TAOK3: variants seen among roughly 807,000 people sequenced by gnomAD.
TAOK3 encodes the protein serine/threonine-protein kinase TAO3.
TAOK3 carries 40 observed loss-of-function variants against 120.4 expected under a neutral mutation model. That is an observed-to-expected ratio of 0.33 (90% confidence interval 0.26 to 0.43). The LOEUF is 0.43. Ranked by LOEUF, TAOK3 falls within the 20% of genes least tolerant of loss-of-function variation. The pLI, the probability that TAOK3 is intolerant of heterozygous loss-of-function variation, is 1.00. For missense variants in TAOK3, 821 were observed against 1,112.1 expected (o/e 0.74, Z 3.72); for synonymous variants, 355 against 387.5 (o/e 0.92, Z 0.99).
intron 1 of TAOK3, among the ~76,000 whole-genome samples, chr12:118,318,243 C>A (rs180935591): frequency 6.6e-6 from 1 of 151,628 alleles, no homozygotes; most frequent in East Asian, 1.9e-4. Context: ...CTGCAACCTC[C>A]GCCTCCTGGG....
In TAOK3 at chr12:118,162,021, T is replaced by G; in HGVS notation, c.1906A>C (p.Asn636His). 1 of 1,613,216 alleles carries G rather than the reference T, an allele frequency of 6.2e-7. No homozygotes were observed. The highest frequency in any genetic ancestry group is 8.5e-7 in the Non-Finnish European group (1 of 1,179,304). ...ATCTCCTTCTGGGTCCTCTTTTTAT[T>G]TAGTTCCTGCGTCCAGGAACAAAAG... ...VEQQNIREEL[N>H]KKRTQKEMEH... The change falls in exon 18 of 21, where the codon AAT becomes CAT. Residue 636 changes from asparagine to histidine, a missense_variant. By Grantham distance (68) the Asn-to-His change is moderately conservative. This residue lies in a region of TAOK3 where 354 missense variants were observed against 572.1 expected (regional missense o/e 0.62). Transcript: ENST00000392533.
chr12:118,237,286 C>T (rs1180765334), intron 7 of TAOK3, among the ~76,000 whole-genome samples: 1 of 152,112 alleles, frequency 6.6e-6, no homozygotes, highest in African/African-American at 2.4e-5. Flanking sequence ...CAGTTGTTTT[C>T]TTTCATTTGT....
At chr12:118,287,144 A>G (rs1479025475) in intron 1 of TAOK3, among the ~76,000 whole-genome samples, 1 of 152,214 alleles carries the variant, frequency 6.6e-6, no homozygotes, top group Non-Finnish European at 1.5e-5. Flanking sequence ...GGGTGCACCA[A>G]AATCTCACAA....
At chr12:118,325,434 T>C (rs1055113946) in intron 1 of TAOK3, among the ~76,000 whole-genome samples, 1 of 152,226 alleles carries the variant, frequency 6.6e-6, no homozygotes, top group Non-Finnish European at 1.5e-5. Context: ...GATGAGATAA[T>C]ATCTCATTGT....
At chr12:118,269,383 CTTTTTTTTTTTTT>C (rs1174725563) in intron 1 of TAOK3, among the ~76,000 whole-genome samples, 5 of 103,888 alleles carry the variant, frequency 4.8e-5, no homozygotes, top group Admixed American at 1.1e-4. Context: ...TCTCTCTCTT[CTTTTTTTTTTTTT>C]TTTTTTTTTT....
chr12:118,278,204 T>C (rs1201419612), intron 1 of TAOK3, among the ~76,000 whole-genome samples: 2 of 152,152 alleles, frequency 1.3e-5, no homozygotes, highest in African/African-American at 4.8e-5. Flanking sequence ...ATAGGTACAT[T>C]GCACAGGGGT....
At chr12:118,351,864 CTTTTTTTTTTTTTTTT>C (rs34956112) in intron 1 of TAOK3, among the ~76,000 whole-genome samples, 2 of 71,900 alleles carry the variant, frequency 2.8e-5, no homozygotes, top group South Asian at 6.8e-4. Context: ...ATCTATAGTT[CTTTTTTTTTTTTTTTT>C]TTTTTTTTTT....
At chr12:118,234,212 A>ATTTTTTTTTTTT (rs763473530) in intron 8 of TAOK3, among the ~76,000 whole-genome samples, 696 of 58,306 alleles carry the variant, frequency 0.012, 150 homozygotes, top group Non-Finnish European at 0.016. Flanking sequence ...AAAGCAGGAA[A>ATTTTTTTTTTTT]TTTTTTTTTT....
intron 1 of TAOK3, among the ~76,000 whole-genome samples, chr12:118,319,944 G>A (rs889481898): frequency 6.6e-6 from 1 of 152,182 alleles, no homozygotes; most frequent in Non-Finnish European, 1.5e-5. Context: ...TGGAAACAAC[G>A]TGAAGTGTCC....
intron 9 of TAOK3, among the ~76,000 whole-genome samples, chr12:118,221,598 T>G (rs914593956): frequency 6.6e-5 from 10 of 151,628 alleles, no homozygotes; most frequent in African/African-American, 2.2e-4. Context: ...GGAACGCTTC[T>G]GAAGAAGTCA....
chr12:118,304,297 T>C (rs969773340), intron 1 of TAOK3, among the ~76,000 whole-genome samples: 2 of 152,204 alleles, frequency 1.3e-5, no homozygotes, highest in Non-Finnish European at 2.9e-5. Context: ...TTTGGCTCTC[T>C]AGAAATTTCT....
chr12:118,155,204 C>T (rs573551278), intron 19 of TAOK3, among the ~76,000 whole-genome samples: 1 of 152,214 alleles, frequency 6.6e-6, no homozygotes, highest in East Asian at 1.9e-4. Context: ...CCAGGTTGGC[C>T]AGGCTGGTCT....
intron 1 of TAOK3, among the ~76,000 whole-genome samples, chr12:118,267,883 TCAAA>T (rs1448319552): frequency 4.2e-4 from 34 of 80,944 alleles, no homozygotes; most frequent in Admixed American, 9.5e-4. Flanking sequence ...AGACTCCATC[TCAAA>T]AAAAAAAAAA....
intron 12 of TAOK3, chr12:118,199,544 T>C (rs1464885651): frequency 2.3e-6 from 1 of 425,664 alleles, no homozygotes; most frequent in Non-Finnish European, 4.4e-6. Context: ...TATTATCGTG[T>C]TGCTATTCAG....
At chr12:118,153,397 G>T (rs2034588123) in intron 19 of TAOK3, among the ~76,000 whole-genome samples, 1 of 151,986 alleles carries the variant, frequency 6.6e-6, no homozygotes, top group South Asian at 2.1e-4. Context: ...GGCAGACAGA[G>T]ACTTTGTCTC....
intron 5 of TAOK3, among the ~76,000 whole-genome samples, chr12:118,241,471 G>C (rs1315267437): frequency 6.6e-6 from 1 of 152,096 alleles, no homozygotes; most frequent in Non-Finnish European, 1.5e-5. Context: ...CTTTAAAACT[G>C]AATAGAATGA....
chr12:118,351,081 A>G lies in TAOK3; in HGVS notation c.-194+21567T>C, dbSNP rs192851009. 2.6e-3 allele frequency among the ~76,000 whole-genome samples: 401 copies of G among 152,238 alleles called. 4 individuals are homozygous for G. Among genetic ancestry groups the G allele is most frequent in the Non-Finnish European group, 1.7e-3 (114 of 68,004 alleles). On this transcript the variant is annotated intron_variant, in intron 1 of 20. Coordinates refer to ENST00000392533, the MANE Select transcript of TAOK3 (RefSeq NM_016281.4). ...GTAATCCCAGCTACTTGGGAGGCTG[A>G]GGCACGAGAATCACTTGAACCCGGG...
intron 3 of TAOK3, among the ~76,000 whole-genome samples, chr12:118,251,356 A>C (rs2040742406): frequency 6.6e-6 from 1 of 152,214 alleles, no homozygotes; most frequent in Non-Finnish European, 1.5e-5. Context: ...TACAGATAAA[A>C]GGTTAAAGCT....
intron 1 of TAOK3, among the ~76,000 whole-genome samples, chr12:118,282,038 G>C (rs904070173): frequency 2.0e-5 from 3 of 152,184 alleles, no homozygotes; most frequent in Non-Finnish European, 2.9e-5. Flanking sequence ...ATTTCAGTTA[G>C]AGTTTAGTAA....
Sources: gnomAD v4.1 joint callset for allele counts (sites outside exome capture counted in the v4.1 genomes callset) on GRCh38, gnomAD v4.1.1 for gene constraint, gnomAD v4.1.1 regional missense constraint, MANE v1.5 for transcripts, NCBI Gene and HGNC (gene_info 2026-07-23, HGNC 2026-07-21) for gene names.